Variants in SLF2 observed in about 807,000 individuals in gnomAD.
SLF2 encodes SMC5-SMC6 complex localization factor protein 2.
A neutral mutation model predicts 124.3 loss-of-function variants in SLF2; 68 were observed. The observed-to-expected ratio is 0.55, with a 90% confidence interval of 0.45 to 0.67. The LOEUF (loss-of-function observed/expected upper bound fraction) is 0.67, where lower values mean the gene tolerates loss of function less well. SLF2 is among the 30% of genes least tolerant of loss of function. The probability of loss-of-function intolerance (pLI) is 0.00; values close to 1 mark genes in which losing one functional copy is unlikely to be tolerated. For missense variants in SLF2, 1,246 were observed against 1,373.7 expected, an observed-to-expected ratio of 0.91 and a Z score of 1.47; for synonymous variants, 480 against 478.8, an observed-to-expected ratio of 1.00 and a Z score of -0.03.
rs1212696529 is a variant in SLF2 at position 100,916,953 on chromosome 10, C to A, written c.568C>A (p.Arg190=). The change falls in exon 3 of 20, where the codon CGA becomes AGA. Residue 190 remains arginine (R), a synonymous_variant. Coordinates refer to ENST00000238961, the MANE Select transcript of SLF2 (RefSeq NM_018121.4). ...AAATAATGAGAAGAATGATAGAGAT[C>A]GAGGCAAAACCAATGCAGACTCCAA... is the stretch of plus-strand genomic sequence containing the variant. ...HENNEKNDRD[R]GKTNADSKKQ... 3 of 1,614,070 alleles carry A rather than the reference C, an allele frequency of 1.9e-6. No homozygotes were observed. The South Asian group carries it at 3.3e-5, about 18-fold the overall frequency.
intron 19 of SLF2, 23 bp downstream of exon 19, chr10:100,959,519 C>G (rs773430502): frequency 1.2e-6 from 2 of 1,612,116 alleles, no homozygotes; most frequent in Non-Finnish European, 8.5e-7. Context: ...TATACAATTT[C>G]ATGTATTCTT....
chr10:100,914,819 A>G (rs1294862926), intron 1 of SLF2, among the ~76,000 whole-genome samples: 3 of 152,192 alleles, frequency 2.0e-5, no homozygotes, highest in South Asian at 4.1e-4. Context: ...TGCTCTTCTA[A>G]TGTGACCAGT....
At chr10:100,918,808 G>A (rs1025156642) in intron 4 of SLF2, among the ~76,000 whole-genome samples, 3 of 152,090 alleles carry the variant, frequency 2.0e-5, no homozygotes, top group African/African-American at 4.8e-5. Context: ...TATTTTTGTA[G>A]AGACGAGGTT....
rs148518687 is a variant in SLF2 at position 100,942,425 on chromosome 10, C to A, written c.2655-1601C>A. The stretch of plus-strand genomic sequence containing the variant: ...CAAGAACAGCCAAATGGAAGAGATA[C>A]GTTGCGCAAGGTATGGGGATGGGAG... On this transcript the variant is annotated intron_variant, in intron 11 of 19. Coordinates refer to ENST00000238961, the MANE Select transcript of SLF2 (RefSeq NM_018121.4). Among the ~76,000 whole-genome samples the A allele has an allele frequency of 3.5e-4, 54 of 152,284 alleles. No individual in the cohort carries two copies. In the East Asian group the frequency reaches 9.6e-3, roughly 27 times the overall value.
intron 8 of SLF2, 59 bp from the exon 9 acceptor site, chr10:100,930,917 T>C: frequency 2.4e-6 from 3 of 1,241,568 alleles, no homozygotes; most frequent in East Asian, 2.3e-5. Context: ...TTGGTGGTGA[T>C]AGTAGAAGTA....
chr10:100,936,473 A>G (rs1254463524), intron 9 of SLF2, among the ~76,000 whole-genome samples: 2 of 152,016 alleles, frequency 1.3e-5, no homozygotes, highest in Admixed American at 6.6e-5. Flanking sequence ...AGCTGGGACT[A>G]CAGGAACCCG....
chr10:100,915,129 C>G (rs916264898), intron 1 of SLF2, among the ~76,000 whole-genome samples: 2 of 152,110 alleles, frequency 1.3e-5, no homozygotes, highest in Non-Finnish European at 2.9e-5. Flanking sequence ...ATTAGTTAAG[C>G]CAGATAATGA....
At position 100,962,841 on chromosome 10, in the gene SLF2, ATGTGTGTGTGTG is replaced by A. The variant is rs34345512; in HGVS notation, c.*946_*957del. On this transcript the variant is annotated 3_prime_UTR_variant, in exon 20 of 20. Coordinates refer to ENST00000238961, the MANE Select transcript of SLF2 (RefSeq NM_018121.4). ...ATTCTTTGGGACACTGTGTCTGTGT[ATGTGTGTGTGTG>A]TGTGTGTGTGTGTGTGCGCTTGTAT... 1 of 144,114 alleles carries A rather than the reference ATGTGTGTGTGTG, an allele frequency of 6.9e-6. No homozygotes were observed. The highest frequency in any genetic ancestry group is 2.6e-5 in the African/African-American group (1 of 39,172). The allele number at this position is 144,114 out of a possible 1,614,324, so 8.9% of individuals were successfully genotyped here. A position where few individuals can be genotyped will look rare whatever the true frequency, so the allele number is the denominator to read the frequency against.
At chr10:100,956,640 T>C (rs1850335607) in intron 18 of SLF2, 103 bp downstream of exon 18, 2 of 824,144 alleles carry the variant, frequency 2.4e-6, no homozygotes, top group East Asian at 2.6e-5. Context: ...AAAGAACATA[T>C]AAGGCTAGGC....
At chr10:100,922,643 G>GT (rs1849542304) in intron 4 of SLF2, among the ~76,000 whole-genome samples, 1 of 151,272 alleles carries the variant, frequency 6.6e-6, no homozygotes, top group African/African-American at 2.4e-5. Context: ...TTGTTGTTTT[G>GT]TTTTTTTGAG....
chr10:100,958,527 C>A (rs980480931), intron 18 of SLF2, among the ~76,000 whole-genome samples: 13 of 152,176 alleles, frequency 8.5e-5, no homozygotes, highest in Admixed American at 2.0e-4. Context: ...AAGACAAGGG[C>A]TTGGCACAGA....
Position 100,945,508 on chromosome 10 carries a change from T to G in SLF2, c.2934+2T>G, listed in dbSNP as rs777741731. The G allele has an allele frequency of 2.6e-6, 4 of 1,540,732 alleles. No homozygotes were observed. Among genetic ancestry groups the G allele is most frequent in the Non-Finnish European group, 3.5e-6 (4 of 1,155,872 alleles). ...AACATCAGAGATTGGAACACAAAGG[T>G]AATGTTACTTAAAACTTCATTATTC... On this transcript the variant is annotated splice_donor_variant, in intron 13 of 19. Transcript: ENST00000238961. LOFTEE classifies it high-confidence loss of function.
chr10:100,925,439 C>T (rs1849596399), intron 5 of SLF2, among the ~76,000 whole-genome samples: 1 of 152,166 alleles, frequency 6.6e-6, no homozygotes, highest in African/African-American at 2.4e-5. Context: ...CAATGGATCA[C>T]CTTGCACACC....
chr10:100,919,019 T>A, intron 4 of SLF2, among the ~76,000 whole-genome samples: 1 of 77,110 alleles, frequency 1.3e-5, no homozygotes, highest in Non-Finnish European at 3.0e-5. Flanking sequence ...TTTTTTTTTT[T>A]TTTTTTTTTT....
chr10:100,918,408 A>G lies in SLF2; in HGVS notation c.940A>G (p.Arg314Gly). ...NVENGHLSRK[R>G]SSSDSWEPTS... ...GGAAAATGGACATCTCTCAAGAAAAAGATCCTCTTCTGATTCATGGGAACC... is the reference window on the plus strand; with the variant it reads ...GGAAAATGGACATCTCTCAAGAAAAGGATCCTCTTCTGATTCATGGGAACC... Residue 314 changes from arginine to glycine, a missense_variant, in exon 4 of 20, where the codon AGA (arginine) becomes GGA (glycine). Arg to Gly is a moderately radical substitution (Grantham distance 125). Around this residue, in one of 3 missense-constraint regions of SLF2, gnomAD observed 698 missense variants for 708.9 expected, o/e 0.98. Coordinates refer to ENST00000238961, the MANE Select transcript of SLF2 (RefSeq NM_018121.4). The G allele has an allele frequency of 6.3e-7, 1 of 1,597,166 alleles. No individual in the cohort carries two copies.
chr10:100,942,173 C>T (rs1849993738), intron 11 of SLF2, among the ~76,000 whole-genome samples: 1 of 151,968 alleles, frequency 6.6e-6, no homozygotes, highest in Non-Finnish European at 1.5e-5. Context: ...TTCTAATTAC[C>T]CAGAGTTAGC....
At position 100,964,319 on chromosome 10, in the gene SLF2, A is replaced by G. The variant is rs1229617553; in HGVS notation, c.*2407A>G. The G allele has an allele frequency of 6.5e-6, 1 of 152,678 alleles. No homozygotes were observed. 9.5% of individuals were successfully genotyped at this position (152,678 alleles called of 1,614,324 possible). On this transcript the variant is annotated 3_prime_UTR_variant, in exon 20 of 20. Transcript: ENST00000238961. ...ACCTTGTCTAATTTTATGGATATGT[A>G]TGGCAAACTTATTACCCTTCTTGCA...
At chr10:100,929,263 CTT>C (rs1367832353) in intron 6 of SLF2, 52 bp from the exon 7 acceptor site, 2 of 1,513,302 alleles carry the variant, frequency 1.3e-6, no homozygotes, top group Admixed American at 2.2e-5. Context: ...AAACTAAAGA[CTT>C]TTTAAAAATA....
At position 100,961,071 on chromosome 10, in the gene SLF2, G is replaced by A. The variant is rs186888452; in HGVS notation, c.3487-806G>A. On this transcript the variant is annotated intron_variant, in intron 19 of 19. Transcript: ENST00000238961. Reference sequence around the variant, plus strand: ...GTCACCCAGCCTGGAGTGCAGTGGTGCAATCTCGGCTCACTGCAAGCTCTG... The same window carrying A: ...GTCACCCAGCCTGGAGTGCAGTGGTACAATCTCGGCTCACTGCAAGCTCTG... Among the ~76,000 whole-genome samples, 1,102 of 136,756 alleles carry A rather than the reference G, an allele frequency of 8.1e-3. 4 individuals carry two copies. The highest frequency in any genetic ancestry group is 0.01 in the Non-Finnish European group (688 of 66,072). 89.7% of individuals were successfully genotyped at this position (136,756 alleles called of 152,430 possible). A position where few individuals can be genotyped will look rare whatever the true frequency, so the allele number is the denominator to read the frequency against.
Sources: allele counts gnomAD v4.1 joint callset (sites outside exome capture counted in the v4.1 genomes callset), GRCh38; gene constraint gnomAD v4.1.1; regional missense constraint gnomAD v4.1.1; transcripts MANE v1.5; gene names NCBI Gene and HGNC (gene_info 2026-07-23, HGNC 2026-07-21).